FBXO34: variants seen among roughly 807,000 people sequenced by gnomAD.
FBXO34 encodes F-box only protein 34.
FBXO34 carries 12 observed loss-of-function variants against 24.5 expected under a neutral mutation model. That is an observed-to-expected ratio of 0.49 (90% confidence interval 0.31 to 0.79). The LOEUF is 0.79. FBXO34 is among the 30% of genes least tolerant of loss of function. FBXO34 has a pLI of 0.04. For missense variants in FBXO34, 823 were observed against 857.7 expected (o/e 0.96, Z 0.51); for synonymous variants, 320 against 311.9 (o/e 1.03, Z -0.27).
chr14:55,326,789 G>A (rs1235864492), intron 1 of FBXO34, among the ~76,000 whole-genome samples: 2 of 152,224 alleles, frequency 1.3e-5, no homozygotes, highest in East Asian at 3.9e-4. Flanking sequence ...TTCAAATGCA[G>A]GATAGAAAAC....
chr14:55,338,252 T>C (rs1177768484), intron 1 of FBXO34, among the ~76,000 whole-genome samples: 1 of 151,662 alleles, frequency 6.6e-6, no homozygotes, highest in Non-Finnish European at 1.5e-5. Context: ...GGTTTCACTG[T>C]GTTAGCCAGG....
chr14:55,332,611 AGT>A (rs1937658970), intron 1 of FBXO34, among the ~76,000 whole-genome samples: 1 of 152,190 alleles, frequency 6.6e-6, no homozygotes, highest in Admixed American at 6.5e-5. Context: ...GATGGGACTG[AGT>A]GTTAGTATGG....
At chr14:55,414,312 A>G in the FBXO34 span, 2 of 1,187,614 alleles carry the variant, frequency 1.7e-6, no homozygotes, top group African/African-American at 3.1e-5. Context: ...AGAAGAATCC[A>G]GCTGTTTCTG....
the FBXO34 span, among the ~76,000 whole-genome samples, chr14:55,412,163 G>A: frequency 6.6e-6 from 1 of 152,216 alleles, no homozygotes; most frequent in Non-Finnish European, 1.5e-5. Context: ...AGCGGAATAA[G>A]GGAATTTAAC....
At chr14:55,377,497 G>T in the FBXO34 span, among the ~76,000 whole-genome samples, 1 of 152,148 alleles carries the variant, frequency 6.6e-6, no homozygotes, top group Non-Finnish European at 1.5e-5. Context: ...GGCTGGAGAA[G>T]AAATAGACGC....
chr14:55,400,390 T>C, the FBXO34 span, among the ~76,000 whole-genome samples: 2 of 152,118 alleles, frequency 1.3e-5, no homozygotes, highest in African/African-American at 2.4e-5. Context: ...TCACATAAAG[T>C]ATCTTGGTCT....
chr14:55,365,065 A>G (rs113303858), downstream of FBXO34, among the ~76,000 whole-genome samples: 2 of 149,942 alleles, frequency 1.3e-5, no homozygotes, highest in Non-Finnish European at 3.0e-5. Flanking sequence ...CTTTAAAAAA[A>G]AAAAAAAAAA....
the FBXO34 span, among the ~76,000 whole-genome samples, chr14:55,409,520 A>T: frequency 2.0e-5 from 3 of 152,268 alleles, no homozygotes; most frequent in South Asian, 6.2e-4. Flanking sequence ...TTAGCATTTT[A>T]ATAGAAGGAT....
chr14:55,354,207 T>G (rs1464699126), downstream of FBXO34, among the ~76,000 whole-genome samples: 1 of 152,194 alleles, frequency 6.6e-6, no homozygotes, highest in Non-Finnish European at 1.5e-5. Context: ...TGTTTTTCCT[T>G]ATGACTCACC....
chr14:55,419,695 G>T, the FBXO34 span, among the ~76,000 whole-genome samples: 1 of 152,154 alleles, frequency 6.6e-6, no homozygotes, highest in Non-Finnish European at 1.5e-5. Flanking sequence ...AGGGGAGTAA[G>T]ACCATTTTAT....
chr14:55,397,532 G>C, the FBXO34 span: 2 of 945,424 alleles, frequency 2.1e-6, no homozygotes, highest in African/African-American at 3.2e-5. Flanking sequence ...GCAGAGTCAT[G>C]TGAAAATGTC....
the FBXO34 span, among the ~76,000 whole-genome samples, chr14:55,383,500 G>A: frequency 6.6e-6 from 1 of 151,804 alleles, no homozygotes; most frequent in African/African-American, 2.4e-5. Context: ...GCAGTGAGCC[G>A]AAATCATGCC....
At chr14:55,407,509 C>T in the FBXO34 span, among the ~76,000 whole-genome samples, 3 of 152,234 alleles carry the variant, frequency 2.0e-5, no homozygotes, top group African/African-American at 4.8e-5. Flanking sequence ...AAGTGATCCG[C>T]CTGCCTCGGC....
In FBXO34 at chr14:55,352,277, G is replaced by A. The variant is rs1884415443; in HGVS notation, c.1887G>A (p.Glu629=). Residue 629 remains glutamate (E), a synonymous_variant, in exon 2 of 2, where the codon GAG becomes GAA. Transcript: ENST00000313833. ...SRWVRDPRYR[E]DPCKQCKKKY... ...GGGTTCGAGATCCACGCTATAGAGA[G>A]GATCCTTGCAAACAGTGCAAGAAAA... 3.7e-6 allele frequency: 6 copies of A among 1,614,196 alleles called. No individual in the cohort carries two copies. The highest frequency in any genetic ancestry group is 2.7e-5 in the African/African-American group (2 of 75,058).
the FBXO34 span, among the ~76,000 whole-genome samples, chr14:55,438,380 C>T: frequency 6.6e-6 from 1 of 152,176 alleles, no homozygotes; most frequent in East Asian, 1.9e-4. Context: ...ATTATGAATA[C>T]ATGATACGCT....
the FBXO34 span, chr14:55,424,133 A>T: frequency 6.5e-7 from 1 of 1,526,810 alleles, no homozygotes; most frequent in Non-Finnish European, 9.1e-7. Flanking sequence ...ACATTTTATG[A>T]GTCAGAAAAT....
chr14:55,382,007 C>A, the FBXO34 span: 1 of 1,614,180 alleles, frequency 6.2e-7, no homozygotes, highest in Non-Finnish European at 8.5e-7. Flanking sequence ...CTGTAGTAGG[C>A]AGAGTAGTCC....
chr14:55,367,047 CAACA>C (rs760745927), intron 2 of FBXO34: 3 of 152,634 alleles, frequency 2.0e-5, no homozygotes, highest in Non-Finnish European at 4.4e-5. Context: ...ATATTAACAA[CAACA>C]AACAAAATAT....
downstream of FBXO34, chr14:55,369,327 C>T (rs73279091): frequency 6.6e-3 from 1,568 of 236,486 alleles, 33 homozygotes; most frequent in African/African-American, 0.033. Context: ...CCCAAATCAA[C>T]TGCTTCCTTG....
Sources: allele counts gnomAD v4.1 joint callset (sites outside exome capture counted in the v4.1 genomes callset), GRCh38; gene constraint gnomAD v4.1.1; transcripts MANE v1.5; gene names NCBI Gene and HGNC (gene_info 2026-07-23, HGNC 2026-07-21).